ARHGEF4: variants seen among roughly 807,000 people sequenced by gnomAD.
ARHGEF4 encodes Rho guanine nucleotide exchange factor 4, also known as APC-stimulated guanine nucleotide exchange factor 1.
A neutral mutation model predicts 162.0 loss-of-function variants in ARHGEF4; 119 were observed. The observed-to-expected ratio is 0.73, with a 90% CI of 0.63 to 0.86. ARHGEF4 has a LOEUF of 0.86. Among genes scored for constraint, ARHGEF4 ranks in the 40% least tolerant of loss-of-function variants. ARHGEF4 has a pLI of 0.00. For missense variants in ARHGEF4, 2,488 were observed against 2,456.0 expected (o/e 1.01, Z -0.28); for synonymous variants, 1,014 against 979.9 (o/e 1.03, Z -0.65).
intron 1 of ARHGEF4, among the ~76,000 whole-genome samples, chr2:130,864,199 AAG>A (rs1244374262): frequency 2.0e-5 from 3 of 147,434 alleles, no homozygotes; most frequent in African/African-American, 8.1e-5. Flanking sequence ...GAAAGAAAGA[AAG>A]AAAAAAAAAA....
intron 4 of ARHGEF4, among the ~76,000 whole-genome samples, chr2:130,957,659 T>C (rs2105179293): frequency 6.6e-6 from 1 of 152,272 alleles, no homozygotes; most frequent in South Asian, 2.1e-4. Context: ...TATGATGGTA[T>C]TGGGAGGTAA....
chr2:130,973,546 C>G (rs1685498206), intron 4 of ARHGEF4, among the ~76,000 whole-genome samples: 1 of 152,248 alleles, frequency 6.6e-6, no homozygotes, highest in Non-Finnish European at 1.5e-5. Context: ...CCCATACTAG[C>G]ACTTCTTGCA....
rs1691080334 is a variant in ARHGEF4 at position 131,044,508 on chromosome 2, G to A, written c.5367G>A (p.Arg1789=). ...QKQRWLKAFA[R]EREQVQLDQE... Reference sequence around the variant, plus strand: ...AGCGCTGGCTCAAGGCCTTTGCCAGGGAGAGGGAGCAGGTGCAGCTGGACC... The same window carrying A: ...AGCGCTGGCTCAAGGCCTTTGCCAGAGAGAGGGAGCAGGTGCAGCTGGACC... Residue 1789 remains arginine (R), a synonymous_variant, in exon 12 of 14, where the codon AGG becomes AGA. Coordinates refer to ENST00000409359, the MANE Select transcript of ARHGEF4 (RefSeq NM_001367493.1). The A allele has an allele frequency of 7.1e-6, 11 of 1,551,262 alleles. 1 individual carries two copies. The South Asian group carries it at 1.2e-4, about 17-fold the overall frequency.
At chr2:131,025,326 C>T (rs1049509723) in intron 4 of ARHGEF4, among the ~76,000 whole-genome samples, 1 of 152,190 alleles carries the variant, frequency 6.6e-6, no homozygotes, top group African/African-American at 2.4e-5. Context: ...GGAAATCCGC[C>T]CCCATGATCC....
At chr2:130,964,502 T>G (rs1458493706) in intron 4 of ARHGEF4, among the ~76,000 whole-genome samples, 2 of 152,284 alleles carry the variant, frequency 1.3e-5, no homozygotes, top group African/African-American at 4.8e-5. Flanking sequence ...GGGACCTTGT[T>G]GGCCCCCATA....
chr2:130,974,107 TAAA>T (rs750848622), intron 4 of ARHGEF4, among the ~76,000 whole-genome samples: 2 of 134,976 alleles, frequency 1.5e-5, no homozygotes, highest in Non-Finnish European at 3.2e-5. Flanking sequence ...TTGTCTCTAC[TAAA>T]AAAAAAAAAA....
intron 5 of ARHGEF4, 65 bp downstream of exon 5, chr2:131,028,149 G>C (rs914387341): frequency 1.9e-6 from 3 of 1,581,196 alleles, no homozygotes; most frequent in Admixed American, 1.7e-5. Context: ...ATTCCAGCAC[G>C]CTAATGCAGG....
rs553290808 is a variant in ARHGEF4 at position 130,882,686 on chromosome 2, G to A, written c.40-31300G>A. Among the ~76,000 whole-genome samples, 189 of 152,042 alleles carry A rather than the reference G, an allele frequency of 1.2e-3. 1 individual carries two copies. Among genetic ancestry groups the A allele is most frequent in the African/African-American group, 4.2e-3 (174 of 41,356 alleles). The stretch of plus-strand genomic sequence containing the variant: ...CTGAGGTTACTGACTAAAGCAAAGT[G>A]CCACAAACTAGTGCGAACACAGACG... On this transcript the variant is annotated intron_variant, in intron 1 of 13. Coordinates refer to ENST00000409359, the MANE Select transcript of ARHGEF4 (RefSeq NM_001367493.1).
At chr2:131,044,593 C>CCCGCCTGCCTGG (rs1166587741) in intron 12 of ARHGEF4, 51 bp downstream of exon 12, 18 of 1,523,866 alleles carry the variant, frequency 1.2e-5, no homozygotes, top group Non-Finnish European at 1.6e-5. Context: ...ACCCGGCGCT[C>CCCGCCTGCCTGG]CCGCCTGCCT....
intron 4 of ARHGEF4, chr2:130,964,316 C>G: frequency 1.1e-6 from 1 of 921,530 alleles, no homozygotes; most frequent in Non-Finnish European, 1.3e-6. Context: ...TTGGGACCCC[C>G]CGCCCCCCTC....
At chr2:130,874,149 T>C (rs556816009) in intron 1 of ARHGEF4, among the ~76,000 whole-genome samples, 1 of 152,334 alleles carries the variant, frequency 6.6e-6, no homozygotes, top group South Asian at 2.1e-4. Flanking sequence ...CACCCCACGC[T>C]GGGGGATCTC....
At chr2:130,934,782 G>T (rs1440970880) in intron 3 of ARHGEF4, among the ~76,000 whole-genome samples, 1 of 152,152 alleles carries the variant, frequency 6.6e-6, no homozygotes, top group Non-Finnish European at 1.5e-5. Flanking sequence ...GACTTCAAGT[G>T]ATCTGCCCGC....
chr2:130,842,924 C>T (rs764963636), intron 1 of ARHGEF4, among the ~76,000 whole-genome samples: 6 of 152,134 alleles, frequency 3.9e-5, no homozygotes, highest in East Asian at 1.9e-4. Flanking sequence ...AAGGGGGCGA[C>T]GTGCAGCTGG....
intron 4 of ARHGEF4, among the ~76,000 whole-genome samples, chr2:130,990,992 T>G (rs909310529): frequency 6.6e-6 from 1 of 152,238 alleles, no homozygotes; most frequent in South Asian, 2.1e-4. Flanking sequence ...TTGGTTCCTA[T>G]TTAGTGATAC....
At chr2:131,041,727 A>C (rs1690824115) in intron 9 of ARHGEF4, 88 bp from the exon 10 acceptor site, 1 of 1,527,080 alleles carries the variant, frequency 6.5e-7, no homozygotes, top group Non-Finnish European at 8.8e-7. Flanking sequence ...CCCAGAGGAA[A>C]GCAGCTCCAC....
intron 1 of ARHGEF4, among the ~76,000 whole-genome samples, chr2:130,868,810 G>C (rs1443093011): frequency 1.3e-5 from 2 of 152,236 alleles, no homozygotes; most frequent in Non-Finnish European, 2.9e-5. Flanking sequence ...CTGAAGCCAA[G>C]GTGCCTGTGG....
chr2:130,841,946 T>G (rs1162562342), intron 1 of ARHGEF4, among the ~76,000 whole-genome samples: 1 of 152,346 alleles, frequency 6.6e-6, no homozygotes, highest in Non-Finnish European at 1.5e-5. Flanking sequence ...TGCCCTGGCC[T>G]GGGTTGATGC....
chr2:130,843,596 C>A (rs541694532), intron 1 of ARHGEF4, among the ~76,000 whole-genome samples: 32 of 152,360 alleles, frequency 2.1e-4, no homozygotes, highest in African/African-American at 7.2e-4. Context: ...AGGGGGGGCA[C>A]GGTTCCCACC....
chr2:130,897,500 G>A (rs929233659), intron 1 of ARHGEF4, among the ~76,000 whole-genome samples: 4 of 152,208 alleles, frequency 2.6e-5, no homozygotes, highest in Non-Finnish European at 5.9e-5. Context: ...GGGGCCTGGC[G>A]GGACACCAGG....
Sources: allele counts gnomAD v4.1 joint callset (sites outside exome capture counted in the v4.1 genomes callset), GRCh38; gene constraint gnomAD v4.1.1; transcripts MANE v1.5; gene names NCBI Gene and HGNC (gene_info 2026-07-23, HGNC 2026-07-21).